The following COL10A1 variants were observed in gnomAD, a reference collection of about 807,000 sequenced individuals.
The protein encoded by COL10A1 is collagen alpha-1(X) chain.
Under a neutral mutation model 18.2 loss-of-function variants are expected in COL10A1, and 10 were observed. The ratio of observed to expected loss-of-function variants is 0.55; its 90% CI spans 0.34 to 0.93. COL10A1 has a LOEUF of 0.93. Ranked by LOEUF, COL10A1 falls within the 40% of genes least tolerant of loss-of-function variation. COL10A1 has a pLI of 0.02. For missense variants in COL10A1, 897 were observed against 853.5 expected, an observed-to-expected ratio of 1.05 and a Z score of -0.64; for synonymous variants, 330 against 316.6, an observed-to-expected ratio of 1.04 and a Z score of -0.45.
the COL10A1 span, among the ~76,000 whole-genome samples, chr6:116,163,751 A>G: frequency 6.6e-6 from 1 of 152,164 alleles, no homozygotes; most frequent in Non-Finnish European, 1.5e-5. Context: ...TGAATTTAGT[A>G]CTATGAACTT....
the COL10A1 span, among the ~76,000 whole-genome samples, chr6:116,195,694 G>A: frequency 5.0e-4 from 76 of 152,076 alleles, no homozygotes; most frequent in African/African-American, 1.7e-3. Flanking sequence ...TTAGAATATG[G>A]TAGACTCTCT....
upstream of COL10A1, among the ~76,000 whole-genome samples, chr6:116,159,908 C>T (rs1418950921): frequency 5.3e-5 from 8 of 152,098 alleles, no homozygotes; most frequent in Non-Finnish European, 1.0e-4. Context: ...AGATCATGGC[C>T]TCCAGCTCTA....
the COL10A1 span, among the ~76,000 whole-genome samples, chr6:116,186,858 CT>C: frequency 6.6e-6 from 1 of 151,948 alleles, no homozygotes; most frequent in Non-Finnish European, 1.5e-5. Context: ...CTTCTAAATT[CT>C]TTTTCTGGCA....
chr6:116,168,670 C>A, the COL10A1 span, among the ~76,000 whole-genome samples: 2 of 151,644 alleles, frequency 1.3e-5, no homozygotes, highest in Non-Finnish European at 2.9e-5. Context: ...CCTTGAGTAT[C>A]TGATAATTTT....
chr6:116,207,051 A>G, the COL10A1 span, among the ~76,000 whole-genome samples: 1 of 151,972 alleles, frequency 6.6e-6, no homozygotes, highest in Non-Finnish European at 1.5e-5. Flanking sequence ...TTTCTTAACA[A>G]ACTTTTTCCT....
Position 116,121,297 on chromosome 6 carries a change from G to T in COL10A1, c.819C>A (p.Gly273=). Residue 273 remains glycine (G), a synonymous_variant, in exon 3 of 3, where the codon GGC becomes GGA. Transcript: ENST00000651968. The stretch of plus-strand genomic sequence containing the variant: ...CTTTTGTTCCTGGAATCCCTGGCTG[G>T]CCTGGGGCTCCAGCAGCTCCTGGCT... ...IGKPGAAGAP[G]QPGIPGTKGL... is the part of the protein sequence containing the mutation. 1 of 1,613,972 alleles carries T rather than the reference G, an allele frequency of 6.2e-7. No individual in the cohort carries two copies. The highest frequency in any genetic ancestry group is 1.1e-5 in the South Asian group (1 of 91,068).
At chr6:116,209,150 A>G in the COL10A1 span, among the ~76,000 whole-genome samples, 1 of 152,058 alleles carries the variant, frequency 6.6e-6, no homozygotes, top group African/African-American at 2.4e-5. Context: ...TCCCGTAGTT[A>G]TTAAATACTA....
chr6:116,153,451 C>T (rs1435569178), intron 1 of COL10A1, among the ~76,000 whole-genome samples: 1 of 151,976 alleles, frequency 6.6e-6, no homozygotes, highest in Non-Finnish European at 1.5e-5. Context: ...AGTCTCTATT[C>T]CACTGGAGTT....
At chr6:116,178,106 C>CGTGTGTGT in the COL10A1 span, among the ~76,000 whole-genome samples, 29 of 130,828 alleles carry the variant, frequency 2.2e-4, no homozygotes, top group African/African-American at 8.5e-4. Context: ...CGCGCGCGTG[C>CGTGTGTGT]GTGCGTGTGT....
At chr6:116,152,092 G>A (rs747755525) in intron 1 of COL10A1, among the ~76,000 whole-genome samples, 4 of 152,176 alleles carry the variant, frequency 2.6e-5, no homozygotes, top group Non-Finnish European at 4.4e-5. Context: ...AATTTTGGAG[G>A]AGGTGGAGTG....
At chr6:116,135,845 A>G (rs9717347) in intron 1 of COL10A1, among the ~76,000 whole-genome samples, 13 of 99,164 alleles carry the variant, frequency 1.3e-4, no homozygotes, top group Non-Finnish European at 2.1e-4. Context: ...ATATATATAT[A>G]TATATATATA....
chr6:116,159,580 A>G (rs1780282118), upstream of COL10A1, among the ~76,000 whole-genome samples: 1 of 152,188 alleles, frequency 6.6e-6, no homozygotes, highest in Non-Finnish European at 1.5e-5. Context: ...TATAGCCTGT[A>G]ATTTTCTTTA....
chr6:116,165,791 G>C, the COL10A1 span, among the ~76,000 whole-genome samples: 9 of 152,332 alleles, frequency 5.9e-5, no homozygotes, highest in African/African-American at 9.6e-5. Context: ...AGCTCCCCAG[G>C]GACCTGCTGG....
the COL10A1 span, among the ~76,000 whole-genome samples, chr6:116,198,649 G>A: frequency 4.0e-5 from 6 of 151,854 alleles, no homozygotes; most frequent in Non-Finnish European, 8.8e-5. Flanking sequence ...GATTGCTTGA[G>A]CCCAGGAGTT....
intron 1 of COL10A1, chr6:116,137,543 T>G (rs1779641697): frequency 4.7e-6 from 1 of 213,804 alleles, no homozygotes; most frequent in South Asian, 8.6e-5. Context: ...CCTCAAACAT[T>G]ACATGGGTCT....
At chr6:116,196,104 A>G in the COL10A1 span, among the ~76,000 whole-genome samples, 1 of 152,028 alleles carries the variant, frequency 6.6e-6, no homozygotes, top group Non-Finnish European at 1.5e-5. Flanking sequence ...ATTTCCTGAC[A>G]TCATGCTATC....
At chr6:116,133,959 A>G (rs1421387430) in intron 1 of COL10A1, among the ~76,000 whole-genome samples, 3 of 152,202 alleles carry the variant, frequency 2.0e-5, no homozygotes, top group Non-Finnish European at 4.4e-5. Context: ...TAGTGCTGAA[A>G]TTCTTACTAT....
At chr6:116,202,477 A>G in the COL10A1 span, among the ~76,000 whole-genome samples, 757 of 152,134 alleles carry the variant, frequency 5.0e-3, 3 homozygotes, top group Non-Finnish European at 5.7e-3. Flanking sequence ...TTCCACCTTT[A>G]AGAGTTTCAA....
At chr6:116,149,860 T>A (rs966225634) in intron 1 of COL10A1, among the ~76,000 whole-genome samples, 1 of 152,236 alleles carries the variant, frequency 6.6e-6, no homozygotes, top group African/African-American at 2.4e-5. Flanking sequence ...ATAAGGAATT[T>A]GATTTGCACA....
Sources: allele counts gnomAD v4.1 joint callset (sites outside exome capture counted in the v4.1 genomes callset), GRCh38; gene constraint gnomAD v4.1.1; transcripts MANE v1.5; gene names NCBI Gene and HGNC (gene_info 2026-07-23, HGNC 2026-07-21).